Variants in KIF6 observed in about 807,000 individuals in gnomAD.
KIF6 encodes kinesin-like protein KIF6.
Under a neutral mutation model 112.7 loss-of-function variants are expected in KIF6, and 106 were observed. The observed-to-expected ratio is 0.94, with a 90% CI of 0.80 to 1.11. The LOEUF (loss-of-function observed/expected upper bound fraction) is 1.11, where lower values mean the gene tolerates loss of function less well. Among genes scored for constraint, KIF6 ranks in the 50% least tolerant of loss-of-function variants. The probability of loss-of-function intolerance (pLI) is 0.00; values close to 1 mark genes in which losing one functional copy is unlikely to be tolerated. For missense variants in KIF6, 929 were observed against 964.0 expected, an observed-to-expected ratio of 0.96 and a Z score of 0.48; for synonymous variants, 339 against 339.9, an observed-to-expected ratio of 1.00 and a Z score of 0.03.
chr6:39,460,318 G>T (rs1352688438), intron 13 of KIF6, among the ~76,000 whole-genome samples: 1 of 112,110 alleles, frequency 8.9e-6, no homozygotes, highest in Admixed American at 1.0e-4. Context: ...GGTGGGAATT[G>T]AACAATGAGA....
rs147606620 is a variant in KIF6, at chr6:39,659,120, G to A, written c.252-19363C>T. ...AATCCTTTGTGCTGAAATTTAAACC[G>A]GAAAACTGGCCCCAATGTGACTTGA... On this transcript the variant is annotated intron_variant, in intron 3 of 22. Coordinates refer to ENST00000287152, the MANE Select transcript of KIF6 (RefSeq NM_145027.6). Among the ~76,000 whole-genome samples the A allele has an allele frequency of 1.9e-3, 293 of 152,176 alleles. 1 individual carries two copies. Among genetic ancestry groups the A allele is most frequent in the African/African-American group, 6.7e-3 (277 of 41,518 alleles).
chr6:39,409,286 C>A (rs1452777606), intron 15 of KIF6, among the ~76,000 whole-genome samples: 2 of 152,142 alleles, frequency 1.3e-5, no homozygotes, highest in Non-Finnish European at 1.5e-5. Flanking sequence ...TGGGAAGTCC[C>A]CATGGCACTC....
intron 13 of KIF6, among the ~76,000 whole-genome samples, chr6:39,528,741 T>A (rs1777881888): frequency 6.6e-6 from 1 of 152,254 alleles, no homozygotes; most frequent in Non-Finnish European, 1.5e-5. Flanking sequence ...TTGAACATTT[T>A]TTCATGTATC....
At chr6:39,416,557 G>A (rs908995019) in intron 15 of KIF6, among the ~76,000 whole-genome samples, 1 of 152,186 alleles carries the variant, frequency 6.6e-6, no homozygotes, top group African/African-American at 2.4e-5. Context: ...CAGGATTGAT[G>A]TAAATGGCGT....
intron 16 of KIF6, among the ~76,000 whole-genome samples, chr6:39,373,829 A>G (rs1766222647): frequency 6.6e-6 from 1 of 152,222 alleles, no homozygotes; most frequent in Non-Finnish European, 1.5e-5. Context: ...ATTCAATGCA[A>G]TCCTTATGAA....
intron 21 of KIF6, 95 bp downstream of exon 21, chr6:39,345,605 G>T: frequency 1.0e-6 from 1 of 999,496 alleles, no homozygotes; most frequent in Non-Finnish European, 1.5e-6. Context: ...TGTGGCTACT[G>T]GACGAGGGGC....
At chr6:39,635,640 T>A (rs1784585793) in intron 4 of KIF6, among the ~76,000 whole-genome samples, 1 of 152,068 alleles carries the variant, frequency 6.6e-6, no homozygotes, top group Non-Finnish European at 1.5e-5. Flanking sequence ...GGTGGGTCAC[T>A]GCTGAAATGC....
intron 3 of KIF6, among the ~76,000 whole-genome samples, chr6:39,706,244 T>C (rs1351658387): frequency 6.6e-6 from 1 of 152,232 alleles, no homozygotes; most frequent in Admixed American, 6.5e-5. Context: ...AATGATAGTA[T>C]GCAATTTCTT....
rs779313723 is a variant in KIF6, at chr6:39,540,237, A to T, written c.1427-16T>A. ...ACCAGGATATCTGAAACTTGACTTA[A>T]GGATTTAATGCCTGATGCTAGCTTA... On this transcript the variant is annotated splice_polypyrimidine_tract_variant and intron_variant, in intron 12 of 22. Coordinates refer to ENST00000287152, the MANE Select transcript of KIF6 (RefSeq NM_145027.6). 1.7e-5 allele frequency: 26 copies of T among 1,502,388 alleles called. No homozygotes were observed. In the South Asian group the frequency reaches 3.0e-4, roughly 17 times the overall value. 93.1% of individuals were successfully genotyped at this position (1,502,388 alleles called of 1,614,324 possible). A position where few individuals can be genotyped will look rare whatever the true frequency, so the allele number is the denominator to read the frequency against.
In KIF6 at chr6:39,718,229, C is replaced by CAAA. The variant is rs35872391; in HGVS notation, c.176+2470_176+2472dup. 4.9e-4 allele frequency among the ~76,000 whole-genome samples: 29 copies of CAAA among 58,946 alleles called. 1 individual carries two copies. The highest frequency in any genetic ancestry group is 1.0e-3 in the East Asian group (2 of 1,990). The allele number at this position is 58,946 out of a possible 152,430, so 38.7% of individuals were successfully genotyped here. Reference sequence around the variant, plus strand: ...TGGGCGACAGAGTGAGACTCCATCTCAAAAAAAAAAAAAAAAAAAAAAAAG... The same window carrying CAAA: ...TGGGCGACAGAGTGAGACTCCATCTCAAAAAAAAAAAAAAAAAAAAAAAAAAAG... On this transcript the variant is annotated intron_variant, in intron 2 of 22. Transcript: ENST00000287152.
intron 5 of KIF6, among the ~76,000 whole-genome samples, chr6:39,616,211 T>C (rs989327419): frequency 2.6e-5 from 4 of 152,226 alleles, no homozygotes; most frequent in African/African-American, 9.6e-5. Context: ...AGCTACTTTT[T>C]TCTTCTAAAT....
At chr6:39,620,769 T>G (rs1378403783) in intron 5 of KIF6, among the ~76,000 whole-genome samples, 1 of 151,786 alleles carries the variant, frequency 6.6e-6, no homozygotes, top group African/African-American at 2.4e-5. Context: ...TTTATTTATT[T>G]ATTTATTTAT....
intron 10 of KIF6, among the ~76,000 whole-genome samples, chr6:39,553,592 CAGT>C (rs1779516066): frequency 1.3e-5 from 2 of 152,092 alleles, no homozygotes; most frequent in East Asian, 3.8e-4. Context: ...ACTTTAAAGA[CAGT>C]AGGGCATATT....
intron 13 of KIF6, among the ~76,000 whole-genome samples, chr6:39,432,902 T>C (rs1283766045): frequency 6.6e-6 from 1 of 151,956 alleles, no homozygotes; most frequent in African/African-American, 2.4e-5. Flanking sequence ...TGGAGCCTGC[T>C]TGGGGGATCT....
At chr6:39,637,689 T>C (rs1301648109) in intron 4 of KIF6, among the ~76,000 whole-genome samples, 1 of 152,012 alleles carries the variant, frequency 6.6e-6, no homozygotes, top group Non-Finnish European at 1.5e-5. Flanking sequence ...CTAAGCTGCA[T>C]TTTCCAGCTA....
At chr6:39,710,486 A>G (rs1789485652) in intron 3 of KIF6, among the ~76,000 whole-genome samples, 1 of 147,392 alleles carries the variant, frequency 6.8e-6, no homozygotes, top group Non-Finnish European at 1.5e-5. Flanking sequence ...AAAAAAACCC[A>G]GTGTTTCAAA....
intron 3 of KIF6, among the ~76,000 whole-genome samples, chr6:39,641,897 T>C (rs1784919994): frequency 6.6e-6 from 1 of 152,116 alleles, no homozygotes; most frequent in Admixed American, 6.6e-5. Context: ...GAAAACCAGA[T>C]GACATAGCTT....
At chr6:39,521,111 A>T (rs1395852916) in intron 13 of KIF6, among the ~76,000 whole-genome samples, 3 of 152,210 alleles carry the variant, frequency 2.0e-5, no homozygotes, top group African/African-American at 7.2e-5. Flanking sequence ...GGAATTCTCA[A>T]ACTCCAGGGT....
At chr6:39,336,688 G>GC in intron 22 of KIF6, 140 bp from the exon 23 acceptor site, 1 of 747,244 alleles carries the variant, frequency 1.3e-6, no homozygotes, top group Non-Finnish European at 2.4e-6. Context: ...CCTCCCAGGA[G>GC]CTGCATTTAT....
Sources: allele counts gnomAD v4.1 joint callset (sites outside exome capture counted in the v4.1 genomes callset), GRCh38; gene constraint gnomAD v4.1.1; transcripts MANE v1.5; gene names NCBI Gene and HGNC (gene_info 2026-07-23, HGNC 2026-07-21).